The following NSF variants were observed in gnomAD, a reference collection of about 807,000 sequenced individuals.
NSF encodes the protein N-ethylmaleimide sensitive factor, vesicle fusing ATPase.
NSF carries 14 observed loss-of-function variants against 50.3 expected under a neutral mutation model. The ratio of observed to expected loss-of-function variants is 0.28; its 90% CI spans 0.18 to 0.44. NSF has a LOEUF of 0.44. Ranked by LOEUF, NSF falls within the 20% of genes least tolerant of loss-of-function variation. NSF has a pLI of 1.00. For missense variants in NSF, 218 were observed against 504.3 expected, an observed-to-expected ratio of 0.43 and a Z score of 5.44; for synonymous variants, 109 against 175.7, an observed-to-expected ratio of 0.62 and a Z score of 3.00.
chr17:46,751,522 A>G lies in NSF; in HGVS notation c.2063A>G (p.Asp688Gly). The G allele has an allele frequency of 1.2e-6, 2 of 1,614,058 alleles. No homozygotes were observed. Among genetic ancestry groups the G allele is most frequent in the Non-Finnish European group, 1.7e-6 (2 of 1,179,952 alleles). The part of the protein sequence containing the change: ...EALELLGNFK[D>G]KERTTIAQQV... Reference sequence around the variant, plus strand: ...TTGTAGCTTTTGGGCAACTTCAAGGATAAGGAACGCACCACAATTGCACAG... The same window carrying G: ...TTGTAGCTTTTGGGCAACTTCAAGGGTAAGGAACGCACCACAATTGCACAG... The change falls in exon 19 of 21, where the codon GAT becomes GGT. Residue 688 changes from aspartate to glycine, a missense_variant. Asp to Gly is a moderately conservative substitution (Grantham distance 94). This residue lies in a region of NSF where 209 missense variants were observed against 320.9 expected (regional missense o/e 0.65). Coordinates refer to ENST00000398238, the MANE Select transcript of NSF (RefSeq NM_006178.4).
At chr17:46,742,595 A>G (rs1387594180) in intron 17 of NSF, among the ~76,000 whole-genome samples, 1 of 152,144 alleles carries the variant, frequency 6.6e-6, no homozygotes, top group Admixed American at 6.5e-5. Flanking sequence ...GCAGTTTTAA[A>G]TGGAGGTATG....
chr17:46,710,726 A>G (rs1220033363), intron 13 of NSF, among the ~76,000 whole-genome samples: 1 of 152,174 alleles, frequency 6.6e-6, no homozygotes, highest in Non-Finnish European at 1.5e-5. Flanking sequence ...GTCTGGTGGA[A>G]TCTCAGCCTA....
At chr17:46,753,521 G>C (rs1474533426) in intron 19 of NSF, among the ~76,000 whole-genome samples, 1 of 151,844 alleles carries the variant, frequency 6.6e-6, no homozygotes, top group Non-Finnish European at 1.5e-5. Context: ...CTTGGTAAAA[G>C]TGCAAATACA....
chr17:46,738,252 G>A (rs964364574), intron 17 of NSF, among the ~76,000 whole-genome samples: 4 of 151,908 alleles, frequency 2.6e-5, no homozygotes, highest in Non-Finnish European at 2.9e-5. Flanking sequence ...TTTAATTAAC[G>A]TACAATATGA....
intron 1 of NSF, among the ~76,000 whole-genome samples, chr17:46,606,056 G>A (rs2057956588): frequency 1.1e-5 from 1 of 91,376 alleles, no homozygotes; most frequent in Non-Finnish European, 1.9e-5. Flanking sequence ...GCGCATGCCT[G>A]TAATCCCAGC....
intron 17 of NSF, among the ~76,000 whole-genome samples, chr17:46,748,929 T>C (rs1469426302): frequency 6.6e-6 from 1 of 152,124 alleles, no homozygotes; most frequent in Admixed American, 6.5e-5. Flanking sequence ...ACATAATAAA[T>C]ACTGAATATA....
chr17:46,727,374 G>A (rs571929108), intron 16 of NSF, among the ~76,000 whole-genome samples: 1 of 152,218 alleles, frequency 6.6e-6, no homozygotes, highest in Non-Finnish European at 1.5e-5. Flanking sequence ...AATGGCTCAG[G>A]AAGGGGTAAT....
rs143557292 is a variant in NSF at position 46,748,794 on chromosome 17, G to A, written c.1909-979G>A. Among the ~76,000 whole-genome samples the A allele has an allele frequency of 1.0e-3, 159 of 152,284 alleles. 1 individual carries two copies. Among genetic ancestry groups the A allele is most frequent in the African/African-American group, 3.6e-3 (150 of 41,536 alleles). ...GTGATTGTTTTAGAGACAAACTTGT[G>A]ATAAGTACCTGGTAAACTAAGCAAA... On this transcript the variant is annotated intron_variant, in intron 17 of 20. Coordinates refer to ENST00000398238, the MANE Select transcript of NSF (RefSeq NM_006178.4).
At chr17:46,735,065 C>T (rs1260257297) in intron 17 of NSF, among the ~76,000 whole-genome samples, 1 of 152,014 alleles carries the variant, frequency 6.6e-6, no homozygotes, top group Non-Finnish European at 1.5e-5. Flanking sequence ...ACAAAACCAA[C>T]AAAAAACAGT....
rs1240625188 is a variant in NSF at position 46,642,308 on chromosome 17, A to G, written c.590-796A>G. ...GCCTAATTAACATATCACCTCAAATATTTAGCATTTCTTAGGATAAACTTT... is the reference window on the plus strand; with the variant it reads ...GCCTAATTAACATATCACCTCAAATGTTTAGCATTTCTTAGGATAAACTTT... On this transcript the variant is annotated intron_variant, in intron 7 of 20. Transcript: ENST00000398238. Among the ~76,000 whole-genome samples, 2 of 110,428 alleles carry G rather than the reference A, an allele frequency of 1.8e-5. 1 individual carries two copies. Among genetic ancestry groups the G allele is most frequent in the Non-Finnish European group, 3.9e-5 (2 of 51,338 alleles). 72.4% of individuals were successfully genotyped at this position (110,428 alleles called of 152,430 possible). A position where few individuals can be genotyped will look rare whatever the true frequency, so the allele number is the denominator to read the frequency against.
chr17:46,746,214 A>G (rs2059126838), intron 17 of NSF, among the ~76,000 whole-genome samples: 1 of 152,202 alleles, frequency 6.6e-6, no homozygotes, highest in Admixed American at 6.5e-5. Flanking sequence ...TCCTCAAATA[A>G]TAATAATGAT....
chr17:46,740,571 T>C (rs1007869443), intron 17 of NSF, among the ~76,000 whole-genome samples: 3 of 152,170 alleles, frequency 2.0e-5, no homozygotes, highest in Admixed American at 6.5e-5. Context: ...GTGGTCATCT[T>C]AGTTAAGTTT....
At chr17:46,707,370 G>A (rs2058667231) in intron 13 of NSF, among the ~76,000 whole-genome samples, 2 of 151,698 alleles carry the variant, frequency 1.3e-5, no homozygotes, top group African/African-American at 4.8e-5. Context: ...TCTCAATTTT[G>A]TATTGTGTTA....
intron 9 of NSF, among the ~76,000 whole-genome samples, chr17:46,675,659 C>CACAT (rs1568027623): frequency 7.7e-6 from 1 of 129,896 alleles, no homozygotes; most frequent in African/African-American, 3.1e-5. Context: ...CACACACACA[C>CACAT]ACACGAACAT....
At chr17:46,722,194 G>C in intron 15 of NSF, 2 of 1,594,212 alleles carry the variant, frequency 1.3e-6, no homozygotes, top group Non-Finnish European at 1.7e-6. Flanking sequence ...AACTTGCAGC[G>C]CCTGCTTAGG....
At chr17:46,598,468 T>A (rs1239999957) in intron 1 of NSF, among the ~76,000 whole-genome samples, 1 of 152,080 alleles carries the variant, frequency 6.6e-6, no homozygotes, top group East Asian at 1.9e-4. Context: ...ACACATACTT[T>A]AGTGCAAATA....
chr17:46,610,137 C>T (rs1598641284), intron 1 of NSF, among the ~76,000 whole-genome samples: 4 of 85,738 alleles, frequency 4.7e-5, no homozygotes, highest in African/African-American at 9.3e-5. Context: ...TCCTTTCTTC[C>T]TTTCTTTTTG....
chr17:46,743,024 CT>C, intron 17 of NSF, among the ~76,000 whole-genome samples: 1 of 152,336 alleles, frequency 6.6e-6, no homozygotes, highest in South Asian at 2.1e-4. Context: ...CTGCCTCTCC[CT>C]GAGGCCCCAC....
At chr17:46,741,025 C>T (rs1184657598) in intron 17 of NSF, among the ~76,000 whole-genome samples, 1 of 152,092 alleles carries the variant, frequency 6.6e-6, no homozygotes, top group Non-Finnish European at 1.5e-5. Context: ...TGATATGGGG[C>T]TTGTGGGGGC....
Sources: allele counts gnomAD v4.1 joint callset (sites outside exome capture counted in the v4.1 genomes callset), GRCh38; gene constraint gnomAD v4.1.1; regional missense constraint gnomAD v4.1.1; transcripts MANE v1.5; gene names NCBI Gene and HGNC (gene_info 2026-07-23, HGNC 2026-07-21).